RGSL1: variants seen among roughly 807,000 people sequenced by gnomAD.
RGSL1 encodes regulator of G protein signaling like 1, also known as regulator of G protein signaling protein-like.
A neutral mutation model predicts 124.7 loss-of-function variants in RGSL1; 97 were observed. The observed-to-expected ratio is 0.78, with a 90% CI of 0.66 to 0.92. The LOEUF (loss-of-function observed/expected upper bound fraction) is 0.92, where lower values mean the gene tolerates loss of function less well. RGSL1 is among the 40% of genes least tolerant of loss of function. The pLI is 0.00. For missense variants in RGSL1, 1,233 were observed against 1,288.4 expected (o/e 0.96, Z 0.66); for synonymous variants, 424 against 438.1 (o/e 0.97, Z 0.40).
At chr1:182,526,502 T>TC (rs1553270584) in intron 10 of RGSL1, among the ~76,000 whole-genome samples, 1 of 147,792 alleles carries the variant, frequency 6.8e-6, no homozygotes, top group Non-Finnish European at 1.5e-5. Context: ...ACTCCGTCTC[T>TC]AAAAAAAAAA....
At chr1:182,494,499 T>A (rs1262800290) in intron 9 of RGSL1, among the ~76,000 whole-genome samples, 1 of 152,222 alleles carries the variant, frequency 6.6e-6, no homozygotes, top group African/African-American at 2.4e-5. Flanking sequence ...TTTAGCTTTT[T>A]CAATGTGACT....
chr1:182,499,980 G>C (rs1350675664), intron 9 of RGSL1, among the ~76,000 whole-genome samples: 1 of 152,080 alleles, frequency 6.6e-6, no homozygotes, highest in African/African-American at 2.4e-5. Context: ...TCACTATGTT[G>C]ATAATGTTCT....
chr1:182,507,570 T>C (rs181013248), intron 9 of RGSL1, among the ~76,000 whole-genome samples: 5 of 152,366 alleles, frequency 3.3e-5, no homozygotes, highest in African/African-American at 9.6e-5. Context: ...TCATTCTTTT[T>C]TGTGGCTGGA....
At chr1:182,456,299 C>CTTT (rs113276872) in intron 2 of RGSL1, among the ~76,000 whole-genome samples, 1 of 141,844 alleles carries the variant, frequency 7.1e-6, no homozygotes. Flanking sequence ...CAGAAGTAAT[C>CTTT]TTTTTTTTTT....
chr1:182,463,166 C>T (rs528157727), intron 4 of RGSL1, among the ~76,000 whole-genome samples: 16 of 151,910 alleles, frequency 1.1e-4, no homozygotes, highest in Middle Eastern at 3.4e-3. Context: ...TGGTGACAGG[C>T]GCCTGTAGTC....
At chr1:182,468,518 C>CA (rs1388038829) in intron 4 of RGSL1, among the ~76,000 whole-genome samples, 2 of 151,950 alleles carry the variant, frequency 1.3e-5, no homozygotes, top group South Asian at 2.1e-4. Context: ...ATCGCAAGGA[C>CA]AAAAAACCAA....
intron 4 of RGSL1, chr1:182,471,256 C>G (rs1173702262): frequency 2.2e-6 from 1 of 457,324 alleles, no homozygotes; most frequent in African/African-American, 2.0e-5. Context: ...CATTCTCCCT[C>G]TCTTATGGTG....
At chr1:182,487,007 T>A (rs912415605) in intron 6 of RGSL1, among the ~76,000 whole-genome samples, 3 of 152,190 alleles carry the variant, frequency 2.0e-5, no homozygotes, top group Non-Finnish European at 4.4e-5. Context: ...AAAGGGATGT[T>A]AATAGGGTGC....
At position 182,542,499 on chromosome 1, in the gene RGSL1, A is replaced by T. The variant is rs941768620; in HGVS notation, c.2669+2078A>T. Among the ~76,000 whole-genome samples, 3 of 152,166 alleles carry T rather than the reference A, an allele frequency of 2.0e-5. No individual in the cohort carries two copies. The East Asian group carries it at 5.8e-4, about 29-fold the overall frequency. On this transcript the variant is annotated intron_variant, in intron 15 of 21. Coordinates refer to ENST00000294854, the MANE Select transcript of RGSL1 (RefSeq NM_001137669.2). ...GTATCTTTTGAGGTCAGCTAGAGTG[A>T]TGCCTCCAGCTTTGTTCTTTTTGGT...
At chr1:182,488,155 G>C (rs927973745) in intron 6 of RGSL1, 130 bp from the exon 7 acceptor site, 4 of 821,630 alleles carry the variant, frequency 4.9e-6, no homozygotes, top group South Asian at 1.8e-5. Flanking sequence ...AATGTTTGCT[G>C]TTCCATTAGA....
intron 8 of RGSL1, among the ~76,000 whole-genome samples, chr1:182,492,762 G>A (rs1377609279): frequency 6.6e-6 from 1 of 151,692 alleles, no homozygotes; most frequent in Non-Finnish European, 1.5e-5. Flanking sequence ...CCAAGTAGCT[G>A]GGACCACAGG....
rs2102323695 is a variant in RGSL1 at position 182,548,804 on chromosome 1, T to C, written c.2913T>C (p.Val971=). 1 of 1,551,654 alleles carries C rather than the reference T, an allele frequency of 6.4e-7. No homozygotes were observed. The highest frequency in any genetic ancestry group is 8.7e-7 in the Non-Finnish European group (1 of 1,146,974). Residue 971 remains valine (V), a synonymous_variant, in exon 17 of 22, where the codon GTT becomes GTC. Coordinates refer to ENST00000294854, the MANE Select transcript of RGSL1 (RefSeq NM_001137669.2). ...GGGCTATCATGTCTGTCTTCCCCGT[T>C]GTTATGTACTTCTGGAAAAGGTAAC... ...FHGAIMSVFP[V]VMYFWKRFCF... is the part of the protein sequence containing the mutation.
At chr1:182,460,775 T>C (rs1652761509) in intron 4 of RGSL1, 1 of 452,838 alleles carries the variant, frequency 2.2e-6, no homozygotes, top group Non-Finnish European at 4.4e-6. Flanking sequence ...TTTGAAACTC[T>C]AGAGTCTATT....
At chr1:182,523,668 A>C (rs1398395841) in intron 10 of RGSL1, among the ~76,000 whole-genome samples, 1 of 152,158 alleles carries the variant, frequency 6.6e-6, no homozygotes, top group Non-Finnish European at 1.5e-5. Context: ...GGGATACCAC[A>C]GCTGCAATTC....
chr1:182,511,263 C>T (rs1657432856), intron 9 of RGSL1, among the ~76,000 whole-genome samples: 1 of 152,230 alleles, frequency 6.6e-6, no homozygotes, highest in South Asian at 2.1e-4. Context: ...CCTCCCGGTT[C>T]AAGAGATTCT....
intron 16 of RGSL1, 80 bp from the exon 17 acceptor site, chr1:182,548,620 A>C: frequency 6.5e-7 from 1 of 1,531,298 alleles, no homozygotes; most frequent in Non-Finnish European, 8.8e-7. Context: ...GGGGGTGGTC[A>C]TGGGGTTCTG....
At position 182,469,557 on chromosome 1, in the gene RGSL1, G is replaced by A. The variant is rs550944355; in HGVS notation, c.302-2839G>A. ...TTGGAACTCTTTTGCATTTGTTGGCGGGACTGTAAAATGGTACAAACTGTG... is the reference window on the plus strand; with the variant it reads ...TTGGAACTCTTTTGCATTTGTTGGCAGGACTGTAAAATGGTACAAACTGTG... On this transcript the variant is annotated intron_variant, in intron 4 of 21. Transcript: ENST00000294854. Among the ~76,000 whole-genome samples, 9 of 152,216 alleles carry A rather than the reference G, an allele frequency of 5.9e-5. No homozygotes were observed. In the East Asian group the frequency reaches 7.7e-4, roughly 13 times the overall value.
chr1:182,535,935 C>T (rs911181854), intron 14 of RGSL1, among the ~76,000 whole-genome samples: 2 of 152,154 alleles, frequency 1.3e-5, no homozygotes, highest in African/African-American at 2.4e-5. Context: ...TCAACACCCT[C>T]CCCGCTCCAC....
intron 4 of RGSL1, among the ~76,000 whole-genome samples, chr1:182,467,032 T>C (rs1372207638): frequency 1.3e-5 from 2 of 152,034 alleles, no homozygotes; most frequent in African/African-American, 4.8e-5. Flanking sequence ...TCAAAGAGAA[T>C]AAAATACCTA....
Sources: gnomAD v4.1 joint callset for allele counts (sites outside exome capture counted in the v4.1 genomes callset) on GRCh38, gnomAD v4.1.1 for gene constraint, MANE v1.5 for transcripts, NCBI Gene and HGNC (gene_info 2026-07-23, HGNC 2026-07-21) for gene names.